TRERF1: variants seen among roughly 807,000 people sequenced by gnomAD.
The protein encoded by TRERF1 is transcriptional-regulating factor 1.
TRERF1 carries 27 observed loss-of-function variants against 122.9 expected under a neutral mutation model. The observed-to-expected ratio is 0.22, with a 90% CI of 0.16 to 0.30. The LOEUF is 0.30. Ranked by LOEUF, TRERF1 falls within the 10% of genes least tolerant of loss-of-function variation. The pLI, the probability that TRERF1 is intolerant of heterozygous loss-of-function variation, is 1.00. For synonymous variants in TRERF1, 636 were observed against 641.7 expected (o/e 0.99, Z 0.13); for missense variants, 1,248 against 1,560.3 (o/e 0.80, Z 3.37).
At chr6:42,345,303 A>G (rs899403877) in intron 3 of TRERF1, among the ~76,000 whole-genome samples, 6 of 152,246 alleles carry the variant, frequency 3.9e-5, no homozygotes, top group African/African-American at 1.4e-4. Flanking sequence ...TGGAAAGCAA[A>G]CACATTTGTG....
chr6:42,284,976 T>C (rs1782926026), intron 4 of TRERF1, among the ~76,000 whole-genome samples: 1 of 152,318 alleles, frequency 6.6e-6, no homozygotes, highest in South Asian at 2.1e-4. Context: ...CCTTTTTTTT[T>C]TCAAAGGTCC....
intron 2 of TRERF1, among the ~76,000 whole-genome samples, chr6:42,419,164 C>T (rs920271317): frequency 6.6e-6 from 1 of 152,182 alleles, no homozygotes; most frequent in Non-Finnish European, 1.5e-5. Flanking sequence ...CTGATATGAA[C>T]TGCCACAATC....
chr6:42,364,430 G>A lies in TRERF1; in HGVS notation c.-453-1351C>T, dbSNP rs182631383. Among the ~76,000 whole-genome samples, 101 of 152,214 alleles carry A rather than the reference G, an allele frequency of 6.6e-4. 1 individual carries two copies. Among genetic ancestry groups the A allele is most frequent in the Admixed American group, 6.3e-3 (96 of 15,300 alleles). ...CCCCTTTCCCCACTTCCCTTAGACTGTAAATTCCCTGAGAGCAGGGACATC... is the reference window on the plus strand; with the variant it reads ...CCCCTTTCCCCACTTCCCTTAGACTATAAATTCCCTGAGAGCAGGGACATC... On this transcript the variant is annotated intron_variant, in intron 2 of 17. Transcript: ENST00000372922.
At chr6:42,287,199 G>A (rs565233418) in intron 4 of TRERF1, among the ~76,000 whole-genome samples, 7 of 147,264 alleles carry the variant, frequency 4.8e-5, no homozygotes, top group Admixed American at 6.8e-5. Context: ...GCTAGATGAC[G>A]AGTTAGTGGG....
chr6:42,274,717 A>C (rs967024672), intron 4 of TRERF1, among the ~76,000 whole-genome samples: 5 of 152,142 alleles, frequency 3.3e-5, no homozygotes, highest in African/African-American at 1.2e-4. Context: ...AAAAAGAGAG[A>C]GAGAAAGAGA....
At chr6:42,385,461 C>A (rs947083935) in intron 2 of TRERF1, among the ~76,000 whole-genome samples, 2 of 152,212 alleles carry the variant, frequency 1.3e-5, no homozygotes, top group Non-Finnish European at 2.9e-5. Context: ...CGTGGACAGG[C>A]AGGCAGAACC....
intron 3 of TRERF1, among the ~76,000 whole-genome samples, chr6:42,347,859 A>G (rs935794418): frequency 1.3e-5 from 2 of 152,264 alleles, no homozygotes; most frequent in Admixed American, 6.5e-5. Flanking sequence ...AGAGCTTCCC[A>G]GAGGGAGCGG....
intron 3 of TRERF1, among the ~76,000 whole-genome samples, chr6:42,321,554 C>T (rs913713112): frequency 2.0e-5 from 3 of 152,212 alleles, no homozygotes; most frequent in African/African-American, 7.2e-5. Context: ...GGGTCACACA[C>T]TTAAATGCCT....
chr6:42,433,181 C>T (rs1393377074), intron 2 of TRERF1, among the ~76,000 whole-genome samples: 1 of 152,016 alleles, frequency 6.6e-6, no homozygotes, highest in Non-Finnish European at 1.5e-5. Flanking sequence ...GTGCAAGGAA[C>T]ACAGAGGCAA....
At chr6:42,284,962 C>T (rs1026325794) in intron 4 of TRERF1, among the ~76,000 whole-genome samples, 1 of 152,096 alleles carries the variant, frequency 6.6e-6, no homozygotes, top group African/African-American at 2.4e-5. Flanking sequence ...CTGAAGTAAG[C>T]AGACCTTTTT....
intron 2 of TRERF1, among the ~76,000 whole-genome samples, chr6:42,430,967 G>A (rs1784407760): frequency 6.6e-6 from 1 of 151,282 alleles, no homozygotes; most frequent in South Asian, 2.1e-4. Context: ...GGCTGAGGCA[G>A]GAGAATGGCT....
chr6:42,271,750 A>G (rs905288605), intron 4 of TRERF1, among the ~76,000 whole-genome samples: 1 of 152,236 alleles, frequency 6.6e-6, no homozygotes, highest in Non-Finnish European at 1.5e-5. Context: ...AACTCAAACC[A>G]GAAGAACATT....
chr6:42,236,938 G>A (rs145276420), intron 15 of TRERF1, among the ~76,000 whole-genome samples: 152 of 152,346 alleles, frequency 1.0e-3, no homozygotes, highest in African/African-American at 3.4e-3. Context: ...CAGAAAGCAC[G>A]TGACTCAAGG....
At chr6:42,440,203 G>A (rs1249075929) in intron 2 of TRERF1, among the ~76,000 whole-genome samples, 4 of 152,102 alleles carry the variant, frequency 2.6e-5, no homozygotes, top group Non-Finnish European at 4.4e-5. Context: ...AGCTGTCAAC[G>A]GCAGGCCTCA....
chr6:42,442,546 T>C (rs1049016995), intron 2 of TRERF1, among the ~76,000 whole-genome samples: 5 of 152,198 alleles, frequency 3.3e-5, no homozygotes, highest in African/African-American at 7.2e-5. Flanking sequence ...AGATGGCAAA[T>C]AGCTGCCCAA....
intron 2 of TRERF1, among the ~76,000 whole-genome samples, chr6:42,412,202 T>C (rs529035448): frequency 1.1e-4 from 17 of 152,134 alleles, no homozygotes; most frequent in Non-Finnish European, 1.9e-4. Flanking sequence ...GGTTTCTCCA[T>C]GTTAGTCAGG....
chr6:42,339,548 C>T (rs1766853528), intron 3 of TRERF1, among the ~76,000 whole-genome samples: 1 of 152,222 alleles, frequency 6.6e-6, no homozygotes, highest in Non-Finnish European at 1.5e-5. Context: ...AAACAATAAG[C>T]AAATTCTATT....
intron 3 of TRERF1, among the ~76,000 whole-genome samples, chr6:42,307,896 T>C (rs942630424): frequency 6.6e-6 from 1 of 152,178 alleles, no homozygotes; most frequent in African/African-American, 2.4e-5. Context: ...CGAACCATCC[T>C]GGGAACTTGT....
rs550579728 is a variant in TRERF1, at chr6:42,364,747, C to A, written c.-453-1668G>T. ...GCTCTGGACCAGGCATAAGCCCCCACCAGTGGAGGCCAGCCTGCGTGGGCT... is the reference window on the plus strand; with the variant it reads ...GCTCTGGACCAGGCATAAGCCCCCAACAGTGGAGGCCAGCCTGCGTGGGCT... On this transcript the variant is annotated intron_variant, in intron 2 of 17. Coordinates refer to ENST00000372922, the Ensembl canonical transcript of TRERF1. 7.9e-5 allele frequency among the ~76,000 whole-genome samples: 12 copies of A among 152,336 alleles called. No homozygotes were observed. The East Asian group carries it at 1.5e-3, about 20-fold the overall frequency.
Sources: gnomAD v4.1 joint callset for allele counts (sites outside exome capture counted in the v4.1 genomes callset) on GRCh38, gnomAD v4.1.1 for gene constraint, MANE v1.5 for transcripts, NCBI Gene and HGNC (gene_info 2026-07-23, HGNC 2026-07-21) for gene names.